PPP1R9A: variants seen among roughly 807,000 people sequenced by gnomAD.
PPP1R9A encodes the protein neurabin-1.
A neutral mutation model predicts 141.9 loss-of-function variants in PPP1R9A; 59 were observed. That is an observed-to-expected ratio of 0.42 (90% CI 0.34 to 0.52). The LOEUF (loss-of-function observed/expected upper bound fraction) is 0.52, where lower values mean the gene tolerates loss of function less well. PPP1R9A is among the 20% of genes least tolerant of loss of function. The pLI is 0.10. For synonymous variants in PPP1R9A, 500 were observed against 569.7 expected (o/e 0.88, Z 1.74); for missense variants, 1,444 against 1,611.9 (o/e 0.90, Z 1.78).
At chr7:95,029,991 A>T (rs1807436594) in intron 2 of PPP1R9A, among the ~76,000 whole-genome samples, 1 of 152,180 alleles carries the variant, frequency 6.6e-6, no homozygotes, top group Non-Finnish European at 1.5e-5. Flanking sequence ...TTGCAGTAGG[A>T]TGAATATGGT....
At chr7:95,023,815 G>T (rs1165187357) in intron 2 of PPP1R9A, among the ~76,000 whole-genome samples, 6 of 152,174 alleles carry the variant, frequency 3.9e-5, no homozygotes, top group Admixed American at 6.5e-5. Context: ...GCCTCCCAAA[G>T]TGTTGGGATT....
intron 2 of PPP1R9A, among the ~76,000 whole-genome samples, chr7:95,041,924 A>G (rs2151913143): frequency 6.6e-6 from 1 of 152,282 alleles, no homozygotes; most frequent in South Asian, 2.1e-4. Context: ...AGAAGTTACA[A>G]CACTTTACAT....
At chr7:95,104,691 G>A (rs906247704) in intron 2 of PPP1R9A, among the ~76,000 whole-genome samples, 42 of 152,106 alleles carry the variant, frequency 2.8e-4, no homozygotes, top group African/African-American at 1.0e-3. Context: ...ACCTATTGTC[G>A]ATCAGTGAAC....
chr7:95,232,310 G>A (rs1796070559), intron 8 of PPP1R9A, among the ~76,000 whole-genome samples: 1 of 152,074 alleles, frequency 6.6e-6, no homozygotes, highest in Non-Finnish European at 1.5e-5. Context: ...AGGAAAACTG[G>A]CTAGCCATAT....
intron 5 of PPP1R9A, among the ~76,000 whole-genome samples, chr7:95,186,972 T>C (rs1176108870): frequency 1.3e-5 from 2 of 152,118 alleles, no homozygotes; most frequent in Non-Finnish European, 2.9e-5. Flanking sequence ...TGTAGTTTTC[T>C]TTTTTTGTTC....
At chr7:95,168,662 G>A (rs1244161894) in intron 5 of PPP1R9A, among the ~76,000 whole-genome samples, 1 of 151,856 alleles carries the variant, frequency 6.6e-6, no homozygotes, top group Non-Finnish European at 1.5e-5. Context: ...CTAATATCTA[G>A]AATATTAAAG....
chr7:95,040,627 T>C (rs1435533621), intron 2 of PPP1R9A, among the ~76,000 whole-genome samples: 1 of 152,194 alleles, frequency 6.6e-6, no homozygotes, highest in African/African-American at 2.4e-5. Context: ...TCAGGTTATT[T>C]TGCTTTCTGT....
chr7:95,182,009 A>G (rs929946479), intron 5 of PPP1R9A, among the ~76,000 whole-genome samples: 10 of 151,670 alleles, frequency 6.6e-5, no homozygotes, highest in Non-Finnish European at 1.2e-4. Flanking sequence ...GAATGATACA[A>G]TGGACTCTGG....
chr7:95,003,989 A>G (rs1803280629), intron 2 of PPP1R9A, among the ~76,000 whole-genome samples: 1 of 152,134 alleles, frequency 6.6e-6, no homozygotes, highest in African/African-American at 2.4e-5. Flanking sequence ...GTACCAGAAC[A>G]CATGGGCCAG....
chr7:94,971,226 C>T (rs1051930262), intron 2 of PPP1R9A, among the ~76,000 whole-genome samples: 1 of 152,112 alleles, frequency 6.6e-6, no homozygotes, highest in Non-Finnish European at 1.5e-5. Flanking sequence ...GGTCAGGGTG[C>T]AGTGGGGGAG....
chr7:95,047,500 T>G lies in PPP1R9A; in HGVS notation c.1396-63759T>G, dbSNP rs576204982. 2.0e-5 allele frequency among the ~76,000 whole-genome samples: 3 copies of G among 152,342 alleles called. No individual in the cohort carries two copies. The South Asian group carries it at 6.2e-4, about 32-fold the overall frequency. ...CTTATTGTTTATTCACAGTAAAGAA[T>G]GTTTCTGATACTGCTTTGTTGTAAA... On this transcript the variant is annotated intron_variant, in intron 2 of 19. Transcript: ENST00000433360.
At chr7:95,252,757 C>T (rs773420055) in intron 12 of PPP1R9A, among the ~76,000 whole-genome samples, 9 of 152,052 alleles carry the variant, frequency 5.9e-5, no homozygotes, top group Non-Finnish European at 7.4e-5. Flanking sequence ...CATGAGCCAC[C>T]GCGCCCAGCC....
chr7:94,932,692 A>G (rs1794300683), intron 2 of PPP1R9A, among the ~76,000 whole-genome samples: 1 of 151,896 alleles, frequency 6.6e-6, no homozygotes, highest in South Asian at 2.1e-4. Context: ...AATAATAAGT[A>G]TGATACATCT....
chr7:95,052,040 G>A (rs1165977922), intron 2 of PPP1R9A, among the ~76,000 whole-genome samples: 1 of 151,754 alleles, frequency 6.6e-6, no homozygotes, highest in Non-Finnish European at 1.5e-5. Flanking sequence ...GGGTTTCGCC[G>A]AGTTGGCCAG....
At chr7:95,179,467 A>AC (rs1833393062) in intron 5 of PPP1R9A, among the ~76,000 whole-genome samples, 1 of 152,122 alleles carries the variant, frequency 6.6e-6, no homozygotes, top group African/African-American at 2.4e-5. Flanking sequence ...CTGGAACAAG[A>AC]CAAGGATGCC....
chr7:95,044,395 C>T (rs567305040), intron 2 of PPP1R9A, among the ~76,000 whole-genome samples: 1 of 152,230 alleles, frequency 6.6e-6, no homozygotes, highest in Admixed American at 6.5e-5. Flanking sequence ...CATTTTTGCC[C>T]ATGCAGTATC....
rs577089813 is a variant in PPP1R9A at position 95,150,189 on chromosome 7, C to A, written c.1650-11678C>A. ...AAAAAAAATCTGAAGAAGTACCTTA[C>A]ACCCTTCACAAGAATTAACTCAAAA... On this transcript the variant is annotated intron_variant, in intron 4 of 19. Transcript: ENST00000433360. Among the ~76,000 whole-genome samples, 9 of 151,422 alleles carry A rather than the reference C, an allele frequency of 5.9e-5. No homozygotes were observed. The East Asian group carries it at 1.7e-3, about 29-fold the overall frequency.
At chr7:95,209,781 T>A (rs1791688970) in intron 7 of PPP1R9A, among the ~76,000 whole-genome samples, 1 of 152,214 alleles carries the variant, frequency 6.6e-6, no homozygotes, top group Non-Finnish European at 1.5e-5. Flanking sequence ...AATTTTTATA[T>A]AAACACCATA....
intron 8 of PPP1R9A, among the ~76,000 whole-genome samples, chr7:95,238,991 T>G (rs1797086425): frequency 6.6e-6 from 1 of 152,140 alleles, no homozygotes; most frequent in Non-Finnish European, 1.5e-5. Context: ...AATTTGTAAC[T>G]TTTTAATCTA....
Sources: allele counts gnomAD v4.1 joint callset (sites outside exome capture counted in the v4.1 genomes callset), GRCh38; gene constraint gnomAD v4.1.1; transcripts MANE v1.5; gene names NCBI Gene and HGNC (gene_info 2026-07-23, HGNC 2026-07-21).